Variants in NCKAP5 observed in about 807,000 individuals in gnomAD.
The protein encoded by NCKAP5 is NCK associated protein 5.
A neutral mutation model predicts 167.0 loss-of-function variants in NCKAP5; 92 were observed. The ratio of observed to expected loss-of-function variants is 0.55; its 90% confidence interval spans 0.47 to 0.66. NCKAP5 has a LOEUF of 0.66. Among genes scored for constraint, NCKAP5 ranks in the 30% least tolerant of loss-of-function variants. The probability of loss-of-function intolerance (pLI) is 0.00; values close to 1 mark genes in which losing one functional copy is unlikely to be tolerated. For synonymous variants in NCKAP5, 891 were observed against 877.4 expected, an observed-to-expected ratio of 1.02 and a Z score of -0.27; for missense variants, 2,378 against 2,315.0, an observed-to-expected ratio of 1.03 and a Z score of -0.56.
intron 19 of NCKAP5, among the ~76,000 whole-genome samples, chr2:132,708,240 A>G (rs1412411852): frequency 6.6e-6 from 1 of 152,098 alleles, no homozygotes; most frequent in East Asian, 1.9e-4. Context: ...AGTGGGGTAG[A>G]GCACCAAATG....
intron 2 of NCKAP5, chr2:133,556,642 A>G (rs887471221): frequency 2.6e-5 from 4 of 152,234 alleles, no homozygotes; most frequent in Admixed American, 2.0e-4. Context: ...CATAGGACCT[A>G]TTTGATAAAC....
At chr2:132,885,647 A>G (rs1347564869) in intron 8 of NCKAP5, among the ~76,000 whole-genome samples, 3 of 152,228 alleles carry the variant, frequency 2.0e-5, no homozygotes, top group Non-Finnish European at 4.4e-5. Flanking sequence ...TTTACTGTGG[A>G]AAAGGGGTTT....
At chr2:133,421,558 A>C (rs1689480710) in intron 3 of NCKAP5, among the ~76,000 whole-genome samples, 1 of 152,120 alleles carries the variant, frequency 6.6e-6, no homozygotes, top group Non-Finnish European at 1.5e-5. Flanking sequence ...TGAGCTATAT[A>C]CAAGTGGGCA....
At chr2:133,052,259 C>G (rs752137389) in intron 6 of NCKAP5, among the ~76,000 whole-genome samples, 1 of 152,184 alleles carries the variant, frequency 6.6e-6, no homozygotes, top group Non-Finnish European at 1.5e-5. Flanking sequence ...ACTATCATCA[C>G]GTAACAGAAC....
intron 7 of NCKAP5, among the ~76,000 whole-genome samples, chr2:132,967,870 G>A (rs1374499143): frequency 7.2e-5 from 11 of 152,210 alleles, no homozygotes; most frequent in Non-Finnish European, 1.6e-4. Context: ...GAGTGGTGTG[G>A]TTAGGGGCAA....
intron 3 of NCKAP5, among the ~76,000 whole-genome samples, chr2:133,463,663 T>A (rs1836667): frequency 0.25 from 38,129 of 152,148 alleles, 5,130 homozygotes; most frequent in African/African-American, 0.33. Flanking sequence ...CCAAGGCCAA[T>A]GCAGTGAGTT....
rs116334723 is a variant in NCKAP5 at position 133,162,796 on chromosome 2, G to A, written c.208-32685C>T. 6.2e-3 allele frequency among the ~76,000 whole-genome samples: 941 copies of A among 152,148 alleles called. 4 individuals are homozygous for A. Among genetic ancestry groups the A allele is most frequent in the Non-Finnish European group, 0.01 (714 of 68,014 alleles). On this transcript the variant is annotated intron_variant, in intron 5 of 19. Coordinates refer to ENST00000409261, the MANE Select transcript of NCKAP5 (RefSeq NM_207363.3). The stretch of plus-strand genomic sequence containing the variant: ...CTGAGAGCTTTCAAAGCCACTTGTG[G>A]CTACTCTTAAATTACTTTCTGCAGT...
intron 3 of NCKAP5, among the ~76,000 whole-genome samples, chr2:133,336,500 A>C (rs1683216310): frequency 6.6e-6 from 1 of 152,190 alleles, no homozygotes; most frequent in Non-Finnish European, 1.5e-5. Flanking sequence ...TTTCAAAAGA[A>C]AGTTAATGCC....
rs532495050 is a variant in NCKAP5, at chr2:132,969,051, A to T, written c.430-5182T>A. Among the ~76,000 whole-genome samples, 14 of 152,132 alleles carry T rather than the reference A, an allele frequency of 9.2e-5. No homozygotes were observed. The South Asian group carries it at 2.9e-3, about 32-fold the overall frequency. Reference sequence around the variant, plus strand: ...ATATCACTGACTTATTTACTTATTTATTTTGAGATGGAGTCTCCCTCTGTT... The same window carrying T: ...ATATCACTGACTTATTTACTTATTTTTTTTGAGATGGAGTCTCCCTCTGTT... On this transcript the variant is annotated intron_variant, in intron 7 of 19. Coordinates refer to ENST00000409261, the MANE Select transcript of NCKAP5 (RefSeq NM_207363.3).
At chr2:133,253,924 C>A (rs780090367) in intron 4 of NCKAP5, among the ~76,000 whole-genome samples, 25 of 152,158 alleles carry the variant, frequency 1.6e-4, no homozygotes, top group Non-Finnish European at 2.1e-4. Context: ...CTTTAAAGAG[C>A]AACCAGGATA....
chr2:133,268,905 C>G (rs969826874), intron 4 of NCKAP5: 28 of 152,092 alleles, frequency 1.8e-4, no homozygotes, highest in African/African-American at 4.6e-4. Context: ...AAAAAGGGTC[C>G]TCTCTTACAG....
At chr2:132,812,583 T>C (rs916628330) in intron 11 of NCKAP5, among the ~76,000 whole-genome samples, 3 of 152,232 alleles carry the variant, frequency 2.0e-5, no homozygotes, top group African/African-American at 7.2e-5. Context: ...ACCTGCAACA[T>C]AGTATGCTGT....
intron 1 of NCKAP5, among the ~76,000 whole-genome samples, chr2:133,566,066 C>T (rs921893366): frequency 1.3e-5 from 2 of 151,910 alleles, no homozygotes; most frequent in East Asian, 1.9e-4. Context: ...TCCAGGAAGG[C>T]CCCCCGCCCC....
chr2:133,671,123 G>A, the NCKAP5 span, among the ~76,000 whole-genome samples: 1 of 151,426 alleles, frequency 6.6e-6, no homozygotes, highest in Non-Finnish European at 1.5e-5. Context: ...GCTGAGGCAG[G>A]GGAATGGCGA....
intron 8 of NCKAP5, among the ~76,000 whole-genome samples, chr2:132,879,259 C>A (rs964075841): frequency 7.9e-5 from 12 of 152,206 alleles, no homozygotes; most frequent in African/African-American, 2.9e-4. Flanking sequence ...CCTTAATCCA[C>A]TTCATTAAGG....
intron 9 of NCKAP5, among the ~76,000 whole-genome samples, chr2:132,878,425 T>C (rs1374563741): frequency 1.3e-5 from 2 of 152,144 alleles, no homozygotes; most frequent in Non-Finnish European, 2.9e-5. Context: ...GATTTGCTTT[T>C]TCAGAAATGG....
the NCKAP5 span, among the ~76,000 whole-genome samples, chr2:133,657,582 A>G: frequency 1.7e-3 from 257 of 152,352 alleles, no homozygotes; most frequent in African/African-American, 5.9e-3. Context: ...CATTACAGCC[A>G]ACAGTTTGAA....
At chr2:133,170,721 C>T (rs532514198) in intron 5 of NCKAP5, among the ~76,000 whole-genome samples, 2 of 152,300 alleles carry the variant, frequency 1.3e-5, no homozygotes, top group East Asian at 3.9e-4. Flanking sequence ...ACAGCAATGG[C>T]GATGGGAGTG....
chr2:133,391,066 C>G (rs1165570111), intron 3 of NCKAP5: 1 of 152,128 alleles, frequency 6.6e-6, no homozygotes, highest in Non-Finnish European at 1.5e-5. Flanking sequence ...TATCCTCAGC[C>G]CTCCTATTCT....
Sources: gnomAD v4.1 joint callset for allele counts (sites outside exome capture counted in the v4.1 genomes callset) on GRCh38, gnomAD v4.1.1 for gene constraint, MANE v1.5 for transcripts, NCBI Gene and HGNC (gene_info 2026-07-23, HGNC 2026-07-21) for gene names.